The following TNIK variants were observed in gnomAD, a reference collection of about 807,000 sequenced individuals.
The protein encoded by TNIK is TRAF2 and NCK-interacting protein kinase.
In TNIK, 49 loss-of-function variants were observed where a neutral mutation model predicts 191.3. The observed-to-expected ratio is 0.26, with a 90% CI of 0.20 to 0.32. TNIK has a LOEUF of 0.32. Among genes scored for constraint, TNIK ranks in the 10% least tolerant of loss-of-function variants. TNIK has a pLI of 1.00. For missense variants in TNIK, 1,155 were observed against 1,702.3 expected, an observed-to-expected ratio of 0.68 and a Z score of 5.66; for synonymous variants, 594 against 600.9, an observed-to-expected ratio of 0.99 and a Z score of 0.17.
At chr3:171,276,864 T>G (rs1388579941) in intron 2 of TNIK, among the ~76,000 whole-genome samples, 3 of 152,226 alleles carry the variant, frequency 2.0e-5, no homozygotes, top group Non-Finnish European at 4.4e-5. Context: ...TTATATCATG[T>G]GTTCGGAGAA....
Position 171,084,171 on chromosome 3 carries a change from A to G in TNIK, c.3153T>C (p.Leu1051=). Residue 1051 remains leucine, a synonymous_variant, in exon 26 of 33, where the codon CTT becomes CTC. Transcript: ENST00000436636. The part of the protein sequence containing the change: ...KYKKRFNSEI[L]CAALWGVNLL... ...CCAACATACCCCACAGAGCTGCACA[A>G]AGTATTTCTGAGTTGAATCGTTTCT... 6.2e-7 allele frequency: 1 copy of G among 1,612,474 alleles called. No homozygotes were observed. Among genetic ancestry groups the G allele is most frequent in the Non-Finnish European group, 8.5e-7 (1 of 1,179,388 alleles).
intron 9 of TNIK, 52 bp downstream of exon 9, chr3:171,175,200 T>C: frequency 6.5e-7 from 1 of 1,547,634 alleles, no homozygotes; most frequent in Admixed American, 1.8e-5. Context: ...CAAAATAGAA[T>C]CACAAGAAAA....
In TNIK at chr3:171,459,704, G is replaced by GCA. The variant is rs1454731386; in HGVS notation, c.57+301_57+302dup. Among the ~76,000 whole-genome samples the GCA allele has an allele frequency of 6.7e-3, 301 of 44,818 alleles. 5 individuals are homozygous for GCA. The highest frequency in any genetic ancestry group is 0.021 in the African/African-American group (290 of 13,534). 29.4% of individuals were successfully genotyped at this position (44,818 alleles called of 152,430 possible). A position where few individuals can be genotyped will look rare whatever the true frequency, so the allele number is the denominator to read the frequency against. ...CACACACACACACACACACACACAC[G>GCA]CACACACGCCTTTCATTTTAATGCT... On this transcript the variant is annotated intron_variant, in intron 1 of 32. Transcript: ENST00000436636.
intron 1 of TNIK, among the ~76,000 whole-genome samples, chr3:171,452,950 A>T (rs1241783032): frequency 1.3e-5 from 2 of 152,058 alleles, no homozygotes; most frequent in African/African-American, 4.8e-5. Context: ...ATTAGCATCC[A>T]CTGGAATTGT....
At position 171,088,562 on chromosome 3, in the gene TNIK, G is replaced by C. The variant is rs1047569080; in HGVS notation, c.2722-1056C>G. On this transcript the variant is annotated intron_variant, in intron 23 of 32. Transcript: ENST00000436636. ...GTATTTTATAATGTATATAATGTCA[G>C]TGCAGTAGAAAAAAATGTATGACTT... Among the ~76,000 whole-genome samples the C allele has an allele frequency of 2.0e-5, 3 of 152,166 alleles. No homozygotes were observed. In the South Asian group the frequency reaches 6.2e-4, roughly 32 times the overall value.
chr3:171,188,474 T>A (rs1186845430), intron 7 of TNIK, among the ~76,000 whole-genome samples: 1 of 152,212 alleles, frequency 6.6e-6, no homozygotes, highest in Non-Finnish European at 1.5e-5. Context: ...GAAAATGATT[T>A]AAACTTTTTA....
At chr3:171,188,637 A>G (rs1353622422) in intron 7 of TNIK, 65 bp downstream of exon 7, 2 of 1,580,854 alleles carry the variant, frequency 1.3e-6, no homozygotes, top group African/African-American at 2.7e-5. Flanking sequence ...AAGGGCATGT[A>G]AGACTTTATA....
At chr3:171,220,045 T>C (rs779176717) in intron 3 of TNIK, among the ~76,000 whole-genome samples, 1 of 152,180 alleles carries the variant, frequency 6.6e-6, no homozygotes, top group Admixed American at 6.5e-5. Flanking sequence ...ATATACACCA[T>C]GGAATGCTAC....
intron 18 of TNIK, among the ~76,000 whole-genome samples, chr3:171,119,627 A>G (rs1382749843): frequency 6.6e-6 from 1 of 152,154 alleles, no homozygotes; most frequent in Admixed American, 6.5e-5. Flanking sequence ...AAAAAATGAT[A>G]AGTTCATGTC....
At chr3:171,228,350 C>A in intron 2 of TNIK, 129 bp from the exon 3 acceptor site, 7 of 863,928 alleles carry the variant, frequency 8.1e-6, no homozygotes, top group South Asian at 7.2e-5. Context: ...GAAAGACAGA[C>A]ACACACAGAA....
chr3:171,431,720 C>T (rs1725417066), intron 1 of TNIK, among the ~76,000 whole-genome samples: 1 of 151,932 alleles, frequency 6.6e-6, no homozygotes, highest in South Asian at 2.1e-4. Flanking sequence ...AATCATTATT[C>T]CCATTTTACA....
intron 1 of TNIK, among the ~76,000 whole-genome samples, chr3:171,380,800 A>G (rs1167192719): frequency 1.3e-5 from 2 of 152,242 alleles, no homozygotes; most frequent in Non-Finnish European, 2.9e-5. Flanking sequence ...GGACTTTTCT[A>G]TGAGTAGGGA....
intron 2 of TNIK, among the ~76,000 whole-genome samples, chr3:171,241,957 T>C (rs780668745): frequency 3.3e-5 from 5 of 151,714 alleles, no homozygotes; most frequent in South Asian, 2.1e-4. Context: ...CAGGTGGGAA[T>C]TGAACAATGA....
intron 9 of TNIK, among the ~76,000 whole-genome samples, chr3:171,167,570 CTA>C (rs1734761738): frequency 6.6e-6 from 1 of 152,136 alleles, no homozygotes; most frequent in Non-Finnish European, 1.5e-5. Flanking sequence ...AAAAAGACCC[CTA>C]TGGGAATCAC....
intron 4 of TNIK, among the ~76,000 whole-genome samples, chr3:171,207,054 C>G (rs566516498): frequency 6.6e-6 from 1 of 151,946 alleles, no homozygotes; most frequent in East Asian, 1.9e-4. Flanking sequence ...GAACCATAGC[C>G]CTGACCAAAG....
intron 2 of TNIK, among the ~76,000 whole-genome samples, chr3:171,340,438 G>A (rs1577542727): frequency 6.6e-6 from 1 of 152,224 alleles, no homozygotes; most frequent in African/African-American, 2.4e-5. Flanking sequence ...TCAGTAAACC[G>A]AATACATAAA....
chr3:171,369,783 C>T (rs891092613), intron 1 of TNIK, 98 bp from the exon 2 acceptor site: 9 of 981,922 alleles, frequency 9.2e-6, no homozygotes, highest in Non-Finnish European at 1.3e-5. Flanking sequence ...AAATAAATAA[C>T]AACTTTAGCT....
chr3:171,343,233 A>T (rs562430804), intron 2 of TNIK, among the ~76,000 whole-genome samples: 2 of 152,208 alleles, frequency 1.3e-5, no homozygotes, highest in African/African-American at 4.8e-5. Flanking sequence ...GAGAAACCTG[A>T]CAGTCACTGC....
intron 12 of TNIK, among the ~76,000 whole-genome samples, chr3:171,143,482 G>T (rs1486859479): frequency 2.0e-5 from 3 of 152,208 alleles, no homozygotes; most frequent in African/African-American, 7.2e-5. Context: ...CACCTGGCAG[G>T]TGCACCTAAG....
Sources: gnomAD v4.1 joint callset for allele counts (sites outside exome capture counted in the v4.1 genomes callset) on GRCh38, gnomAD v4.1.1 for gene constraint, MANE v1.5 for transcripts, NCBI Gene and HGNC (gene_info 2026-07-23, HGNC 2026-07-21) for gene names.